The following POLA1 variants were observed in gnomAD, a reference collection of about 807,000 sequenced individuals.
POLA1 encodes DNA polymerase alpha 1, catalytic subunit.
Under a neutral mutation model 124.0 loss-of-function variants are expected in POLA1, and 15 were observed. That is an observed-to-expected ratio of 0.12 (90% CI 0.08 to 0.19). The LOEUF is 0.19. Among genes scored for constraint, POLA1 ranks in the 10% least tolerant of loss-of-function variants. The pLI is 1.00. For missense variants in POLA1, 886 were observed against 1,103.4 expected (o/e 0.80, Z 2.79); for synonymous variants, 408 against 389.4 (o/e 1.05, Z -0.56).
chrX:24,810,416 A>G (rs1006050530), intron 27 of POLA1, among the ~76,000 whole-genome samples: 5 of 110,880 alleles, frequency 4.5e-5, no homozygotes, highest in African/African-American at 1.3e-4. Context: ...CTTTTTTCTC[A>G]TTATTTAATT....
intron 35 of POLA1, among the ~76,000 whole-genome samples, chrX:24,897,025 C>G (rs1395469356): frequency 9.0e-6 from 1 of 111,472 alleles, no homozygotes. Flanking sequence ...GCTGTCTGTC[C>G]TGTGTGAATC....
intron 34 of POLA1, among the ~76,000 whole-genome samples, chrX:24,867,955 C>G (rs1350156794): frequency 8.9e-6 from 1 of 111,841 alleles, no homozygotes; most frequent in Non-Finnish European, 1.9e-5. Flanking sequence ...ACTTTATTAA[C>G]ACTGACTTCT....
rs745359631 is a variant in POLA1 at position 24,812,777 on chromosome X, G to A, written c.3210G>A (p.Ser1070=). Residue 1070 remains serine, a synonymous_variant, in exon 29 of 37, where the codon TCG becomes TCA. Transcript: ENST00000379068. Reference sequence around the variant, plus strand: ...CTGCTCTGGTTGTTGAGCCAACGTCGGATGGGAATTATGTCACCAAACAGG... The same window carrying A: ...CTGCTCTGGTTGTTGAGCCAACGTCAGATGGGAATTATGTCACCAAACAGG... ...KYAALVVEPT[S]DGNYVTKQEL... The A allele has an allele frequency of 1.2e-5, 15 of 1,202,801 alleles. No individual in the cohort carries two copies. The highest frequency in any genetic ancestry group is 2.3e-4 in the Middle Eastern group (1 of 4,358).
chrX:24,809,535 A>G (rs909072230), intron 26 of POLA1, among the ~76,000 whole-genome samples: 1 of 111,799 alleles, frequency 8.9e-6, no homozygotes, highest in Non-Finnish European at 1.9e-5. Flanking sequence ...CCTGAATACC[A>G]TGAATAAGAA....
intron 30 of POLA1, among the ~76,000 whole-genome samples, chrX:24,818,985 ATTC>A (rs1424052837): frequency 8.9e-6 from 1 of 112,215 alleles, no homozygotes. Context: ...AGTTGAATGT[ATTC>A]TTCTTTGATC....
intron 10 of POLA1, 106 bp downstream of exon 10, chrX:24,717,864 C>A: frequency 1.9e-6 from 1 of 534,875 alleles, no homozygotes. Context: ...TTTATTTAAT[C>A]AGTTTATTTC....
chrX:24,726,108 G>A, intron 13 of POLA1, 53 bp downstream of exon 13: 1 of 789,324 alleles, frequency 1.3e-6, no homozygotes, highest in Non-Finnish European at 1.9e-6. Context: ...ACATTTTTCT[G>A]TTTTTGAACT....
intron 4 of POLA1, among the ~76,000 whole-genome samples, chrX:24,709,202 C>A (rs1382086500): frequency 2.0e-5 from 2 of 101,708 alleles, no homozygotes; most frequent in Non-Finnish European, 4.1e-5. Context: ...GGCTGACCCC[C>A]CCACCTCCCT....
At position 24,717,284 on chromosome X, in the gene POLA1, C is replaced by T. The variant is rs1180912942; in HGVS notation, c.707-6C>T. 3.3e-6 allele frequency: 4 copies of T among 1,201,035 alleles called. No individual in the cohort carries two copies. Among genetic ancestry groups the T allele is most frequent in the African/African-American group, 1.8e-5 (1 of 56,827 alleles). On this transcript the variant is annotated splice_region_variant and splice_polypyrimidine_tract_variant and intron_variant, in intron 8 of 36. Transcript: ENST00000379068. ...ACATGACAAGAATGTGTGATGATGC[C>T]TACAGGCGATGATGTACAGGTCGAG...
chrX:24,719,003 T>C (rs1305852232), intron 10 of POLA1, among the ~76,000 whole-genome samples: 1 of 112,214 alleles, frequency 8.9e-6, no homozygotes, highest in African/African-American at 3.2e-5. Flanking sequence ...TGTGCCTCTT[T>C]GAGCCCGTCT....
chrX:24,796,953 A>G (rs1469010418), intron 26 of POLA1, among the ~76,000 whole-genome samples: 1 of 111,346 alleles, frequency 9.0e-6, no homozygotes, highest in African/African-American at 3.3e-5. Flanking sequence ...CTTGACTCCT[A>G]TCTCTTCCTA....
intron 10 of POLA1, among the ~76,000 whole-genome samples, chrX:24,718,154 G>T (rs1426246868): frequency 8.0e-5 from 9 of 112,195 alleles, no homozygotes; most frequent in Non-Finnish European, 1.1e-4. Context: ...TCATTAATTT[G>T]TCTGTTTCTT....
intron 26 of POLA1, among the ~76,000 whole-genome samples, chrX:24,799,276 C>T (rs2045664911): frequency 8.9e-6 from 1 of 112,099 alleles, no homozygotes; most frequent in African/African-American, 3.2e-5. Context: ...CACTGTCCAA[C>T]TTCGGGTTCT....
chrX:24,867,713 C>A (rs182405292), intron 34 of POLA1, among the ~76,000 whole-genome samples: 6 of 111,082 alleles, frequency 5.4e-5, no homozygotes, highest in Non-Finnish European at 7.6e-5. Context: ...CTCTTAGATT[C>A]CCCATTTTTA....
intron 28 of POLA1, 56 bp downstream of exon 28, chrX:24,810,856 A>G (rs1239443301): frequency 7.5e-5 from 43 of 576,516 alleles, no homozygotes; most frequent in Non-Finnish European, 1.2e-4. Context: ...TTCTGTTTCT[A>G]ACATGGAACA....
At chrX:24,819,772 A>G (rs1259163800) in intron 30 of POLA1, among the ~76,000 whole-genome samples, 1 of 110,944 alleles carries the variant, frequency 9.0e-6, no homozygotes, top group Admixed American at 9.6e-5. Flanking sequence ...CCCTGCATGG[A>G]TTAGATATTT....
At chrX:24,761,488 G>C (rs1452053842) in intron 26 of POLA1, among the ~76,000 whole-genome samples, 1 of 110,847 alleles carries the variant, frequency 9.0e-6, no homozygotes, top group Non-Finnish European at 1.9e-5. Context: ...GGGTTGGGGT[G>C]TGGTGGCTTA....
intron 34 of POLA1, among the ~76,000 whole-genome samples, chrX:24,884,243 G>T (rs1285918208): frequency 2.7e-5 from 3 of 110,993 alleles, no homozygotes. Flanking sequence ...TGACTTCCTG[G>T]GCTCCAGCCA....
chrX:24,705,698 C>A (rs531729371), intron 4 of POLA1, among the ~76,000 whole-genome samples: 6 of 110,144 alleles, frequency 5.4e-5, no homozygotes, highest in African/African-American at 2.0e-4. Flanking sequence ...ACACCTCCCC[C>A]CCTCCCCTGC....
Sources: gnomAD v4.1 joint callset for allele counts (sites outside exome capture counted in the v4.1 genomes callset) on GRCh38, gnomAD v4.1.1 for gene constraint, MANE v1.5 for transcripts, NCBI Gene and HGNC (gene_info 2026-07-23, HGNC 2026-07-21) for gene names.